The following CD99 variants were observed in gnomAD, a reference collection of about 807,000 sequenced individuals.
The protein encoded by CD99 is CD99 molecule (Xg blood group), also known as CD99 antigen.
Under a neutral mutation model 28.4 loss-of-function variants are expected in CD99, and 19 were observed. The ratio of observed to expected loss-of-function variants is 0.67; its 90% CI spans 0.47 to 0.98. The LOEUF is 0.98. CD99 is among the 50% of genes least tolerant of loss of function. CD99 has a pLI of 0.00. For synonymous variants in CD99, 103 were observed against 92.1 expected (o/e 1.12, Z -0.67); for missense variants, 283 against 248.8 (o/e 1.14, Z -0.92).
At chrX:2,696,982 C>G (rs1425514406) in intron 1 of CD99, among the ~76,000 whole-genome samples, 2 of 152,114 alleles carry the variant, frequency 1.3e-5, no homozygotes, top group African/African-American at 4.8e-5. Context: ...TTCTTCTCCC[C>G]CAGAGTCAGA....
intron 8 of CD99, among the ~76,000 whole-genome samples, chrX:2,727,032 A>T (rs1363586122): frequency 6.6e-6 from 1 of 152,096 alleles, no homozygotes; most frequent in Non-Finnish European, 1.5e-5. Flanking sequence ...AGCTACTCGG[A>T]AGGCTGAGGC....
chrX:2,739,602 A>G (rs1222733453), intron 9 of CD99, among the ~76,000 whole-genome samples: 1 of 151,922 alleles, frequency 6.6e-6, no homozygotes, highest in Admixed American at 6.6e-5. Flanking sequence ...GGCACCCGCC[A>G]TCATGCCCCA....
intron 1 of CD99, among the ~76,000 whole-genome samples, chrX:2,702,906 C>T (rs1283774418): frequency 2.0e-5 from 3 of 152,050 alleles, no homozygotes; most frequent in Non-Finnish European, 4.4e-5. Flanking sequence ...CTCAGCCTCC[C>T]GAGTAGCTGG....
At chrX:2,691,480 C>G (rs1376001828) in intron 1 of CD99, 53 bp downstream of exon 1, 1 of 1,536,036 alleles carries the variant, frequency 6.5e-7, no homozygotes, top group Admixed American at 1.9e-5. Flanking sequence ...CGGGCCGGGA[C>G]TGGGGATCCG....
intron 7 of CD99, among the ~76,000 whole-genome samples, chrX:2,724,724 G>A (rs1016467311): frequency 2.0e-5 from 3 of 152,024 alleles, no homozygotes; most frequent in Non-Finnish European, 4.4e-5. Flanking sequence ...GGCCAAGATG[G>A]TGAAACCCCA....
chrX:2,692,042 G>C, intron 1 of CD99: 1 of 646,180 alleles, frequency 1.5e-6, no homozygotes. Flanking sequence ...AGAAACGTGT[G>C]CTTACCAAAT....
chrX:2,723,462 C>T, intron 7 of CD99, 98 bp downstream of exon 7: 1 of 1,375,832 alleles, frequency 7.3e-7, no homozygotes, highest in Non-Finnish European at 1.0e-6. Flanking sequence ...TGGCATTGGC[C>T]TCCTAAAGCT....
intron 9 of CD99, 151 bp downstream of exon 9, chrX:2,738,407 G>A (rs989568873): frequency 1.3e-6 from 1 of 752,602 alleles, no homozygotes; most frequent in South Asian, 1.6e-5. Context: ...GCTTTGGAGG[G>A]ATACTTTCAA....
At chrX:2,728,085 A>G (rs774993128) in intron 8 of CD99, among the ~76,000 whole-genome samples, 1 of 152,208 alleles carries the variant, frequency 6.6e-6, no homozygotes, top group South Asian at 2.1e-4. Flanking sequence ...CAAGACTTTA[A>G]ATGAGCTGCT....
intron 2 of CD99, among the ~76,000 whole-genome samples, chrX:2,716,301 G>A (rs980606628): frequency 6.6e-6 from 1 of 152,088 alleles, no homozygotes; most frequent in Non-Finnish European, 1.5e-5. Context: ...ACAGGCATGA[G>A]CCACTGAGCC....
intron 2 of CD99, among the ~76,000 whole-genome samples, chrX:2,716,346 T>C (rs940056517): frequency 6.6e-6 from 1 of 152,122 alleles, no homozygotes; most frequent in Non-Finnish European, 1.5e-5. Flanking sequence ...GTTTTACTTT[T>C]TTTTTTCTGA....
At chrX:2,718,110 G>A (rs1391825030) in intron 3 of CD99, 1 of 164,482 alleles carries the variant, frequency 6.1e-6, no homozygotes, top group East Asian at 1.7e-4. Flanking sequence ...CTGGTTAATT[G>A]TTGTATTTTT....
Position 2,720,375 on chromosome X carries a change from C to T in CD99, c.213C>T (p.Asn71=). The T allele has an allele frequency of 6.2e-7, 1 of 1,613,818 alleles. No individual in the cohort carries two copies. Among genetic ancestry groups the T allele is most frequent in the Non-Finnish European group, 8.5e-7 (1 of 1,179,836 alleles). The part of the protein sequence containing the change: ...DGENDDPRPP[N]PPKPMPNPNP... ...AAACAGACGACCCACGACCACCGAA[C>T]CCACCCAAACCGATGCCAAATCCAA... The change falls in exon 5 of 10, where the codon AAC becomes AAT. Residue 71 remains asparagine, a synonymous_variant. Coordinates refer to ENST00000381192, the MANE Select transcript of CD99 (RefSeq NM_002414.5).
intron 8 of CD99, among the ~76,000 whole-genome samples, chrX:2,735,894 G>A (rs2049905297): frequency 6.6e-6 from 1 of 152,086 alleles, no homozygotes; most frequent in African/African-American, 2.4e-5. Flanking sequence ...GGCTGTCTCT[G>A]CTGCTGTCAT....
chrX:2,735,555 T>C (rs2049889137), intron 8 of CD99, among the ~76,000 whole-genome samples: 1 of 152,208 alleles, frequency 6.6e-6, no homozygotes. Flanking sequence ...TGTAGTGTTT[T>C]ATAAAATTAC....
intron 2 of CD99, among the ~76,000 whole-genome samples, chrX:2,716,515 G>A (rs1331365610): frequency 2.6e-5 from 4 of 151,776 alleles, no homozygotes; most frequent in Non-Finnish European, 5.9e-5. Flanking sequence ...TGAGCAACAC[G>A]GGGTCTCACT....
intron 8 of CD99, among the ~76,000 whole-genome samples, chrX:2,726,974 A>G (rs1186958437): frequency 3.3e-5 from 5 of 152,068 alleles, no homozygotes; most frequent in African/African-American, 1.2e-4. Flanking sequence ...CGTCTCTACT[A>G]AAAATACAAA....
At chrX:2,711,189 C>T (rs944220306) in intron 1 of CD99, among the ~76,000 whole-genome samples, 17 of 148,028 alleles carry the variant, frequency 1.1e-4, no homozygotes, top group African/African-American at 3.7e-4. Context: ...GACTTCTAAA[C>T]CTTCAGGGTA....
intron 7 of CD99, among the ~76,000 whole-genome samples, chrX:2,725,631 T>A (rs1023041219): frequency 2.0e-5 from 3 of 151,998 alleles, no homozygotes; most frequent in Non-Finnish European, 2.9e-5. Flanking sequence ...TGTTTTGTTT[T>A]GAGATGGTGA....
Sources: gnomAD v4.1 joint callset for allele counts (sites outside exome capture counted in the v4.1 genomes callset) on GRCh38, gnomAD v4.1.1 for gene constraint, MANE v1.5 for transcripts, NCBI Gene and HGNC (gene_info 2026-07-23, HGNC 2026-07-21) for gene names.